The following SH2D4B variants were observed in gnomAD, a reference collection of about 807,000 sequenced individuals.
The protein encoded by SH2D4B is SH2 domain-containing protein 4B.
In SH2D4B, 45 loss-of-function variants were observed where a neutral mutation model predicts 61.5. The observed-to-expected ratio is 0.73, with a 90% CI of 0.58 to 0.94. SH2D4B has a LOEUF of 0.94. Among genes scored for constraint, SH2D4B ranks in the 40% least tolerant of loss-of-function variants. SH2D4B has a pLI of 0.00. For missense variants in SH2D4B, 572 were observed against 574.2 expected (o/e 1.00, Z 0.04); for synonymous variants, 224 against 220.4 (o/e 1.02, Z -0.14).
At chr10:80,595,979 TGG>T (rs1472240241) in intron 4 of SH2D4B, among the ~76,000 whole-genome samples, 1 of 152,208 alleles carries the variant, frequency 6.6e-6, no homozygotes, top group Non-Finnish European at 1.5e-5. Context: ...GTCCTTGGGC[TGG>T]GGAGGGAAAT....
intron 7 of SH2D4B, among the ~76,000 whole-genome samples, chr10:80,643,231 T>C (rs1840336818): frequency 6.6e-6 from 1 of 152,046 alleles, no homozygotes; most frequent in Non-Finnish European, 1.5e-5. Context: ...GGTTTCCAGG[T>C]TCTTTAAGTG....
intron 1 of SH2D4B, among the ~76,000 whole-genome samples, chr10:80,553,909 C>G (rs1841793412): frequency 1.3e-5 from 2 of 152,190 alleles, no homozygotes; most frequent in Non-Finnish European, 2.9e-5. Flanking sequence ...CTGTTTCCCA[C>G]TTATTAATTT....
chr10:80,621,876 C>T (rs997403174), intron 6 of SH2D4B, among the ~76,000 whole-genome samples: 1 of 152,124 alleles, frequency 6.6e-6, no homozygotes, highest in Non-Finnish European at 1.5e-5. Flanking sequence ...GTGTGCACCA[C>T]CACGCCTGGC....
At chr10:80,556,529 C>T (rs772554724) in intron 1 of SH2D4B, among the ~76,000 whole-genome samples, 15 of 152,140 alleles carry the variant, frequency 9.9e-5, no homozygotes, top group Non-Finnish European at 1.9e-4. Context: ...CACATTAACA[C>T]TATTGAGTTT....
At chr10:80,593,089 G>A (rs547406956) in intron 4 of SH2D4B, among the ~76,000 whole-genome samples, 2 of 152,090 alleles carry the variant, frequency 1.3e-5, no homozygotes, top group Non-Finnish European at 2.9e-5. Context: ...ACATAGTCTC[G>A]ATTACTGTAG....
At position 80,644,474 on chromosome 10, in the gene SH2D4B, A is replaced by C. The variant is rs532487663; in HGVS notation, c.*389A>C. On this transcript the variant is annotated 3_prime_UTR_variant, in exon 8 of 8. Coordinates refer to ENST00000646907, the MANE Select transcript of SH2D4B (RefSeq NM_001388272.1). ...CAGTAAATGTTTGTTGAATGAATGC[A>C]TGTCTTCTAAAAGTTTTCCAACACA... 1.2e-5 allele frequency: 2 copies of C among 162,234 alleles called. No homozygotes were observed. Among genetic ancestry groups the C allele is most frequent in the African/African-American group, 2.4e-5 (1 of 42,034 alleles). 10.0% of individuals were successfully genotyped at this position (162,234 alleles called of 1,614,324 possible).
chr10:80,565,139 C>A (rs1841948341), intron 1 of SH2D4B, among the ~76,000 whole-genome samples: 1 of 152,194 alleles, frequency 6.6e-6, no homozygotes. Context: ...TTGTTACAGG[C>A]TGATACTCCT....
chr10:80,637,865 G>C (rs1840212952), intron 7 of SH2D4B, among the ~76,000 whole-genome samples: 1 of 152,208 alleles, frequency 6.6e-6, no homozygotes. Flanking sequence ...TTTTGTGCCA[G>C]TTTTTAAAGG....
intron 1 of SH2D4B, among the ~76,000 whole-genome samples, chr10:80,556,491 A>T (rs1164830428): frequency 6.6e-6 from 1 of 152,200 alleles, no homozygotes; most frequent in Non-Finnish European, 1.5e-5. Flanking sequence ...CTTTCTGGGA[A>T]TCTGTAGATC....
chr10:80,595,719 C>T (rs1225114519), intron 4 of SH2D4B, among the ~76,000 whole-genome samples: 2 of 152,178 alleles, frequency 1.3e-5, no homozygotes, highest in East Asian at 3.9e-4. Context: ...GCAGTGTAAG[C>T]AGGGGACAGA....
rs1842247065 is a variant in SH2D4B at position 80,586,285 on chromosome 10, C to T, written c.496-2345C>T. ...CGCACGGCGTGGGACTGGCAGGCATCTCCACCTGCGGCCCTGGTGCGCGAT... is the reference window on the plus strand; with the variant it reads ...CGCACGGCGTGGGACTGGCAGGCATTTCCACCTGCGGCCCTGGTGCGCGAT... On this transcript the variant is annotated intron_variant, in intron 3 of 7. Transcript: ENST00000646907. Among the ~76,000 whole-genome samples the T allele has an allele frequency of 1.3e-5, 2 of 152,338 alleles. 1 individual carries two copies. Among genetic ancestry groups the T allele is most frequent in the South Asian group, 4.1e-4 (2 of 4,826 alleles).
At chr10:80,607,614 G>A (rs956169399) in intron 5 of SH2D4B, 1 of 152,254 alleles carries the variant, frequency 6.6e-6, no homozygotes, top group Non-Finnish European at 1.5e-5. Context: ...ATTCAGTTTA[G>A]GGCGAGTAAA....
chr10:80,588,999 TC>T (rs1279870605), intron 4 of SH2D4B, among the ~76,000 whole-genome samples: 5 of 130,210 alleles, frequency 3.8e-5, no homozygotes, highest in Non-Finnish European at 7.8e-5. Flanking sequence ...TTTTTCTTTT[TC>T]TTTTTTTTTT....
chr10:80,626,192 C>T (rs1372852935), intron 6 of SH2D4B, among the ~76,000 whole-genome samples: 2 of 151,758 alleles, frequency 1.3e-5, no homozygotes, highest in Non-Finnish European at 1.5e-5. Context: ...TTTAGAATTT[C>T]CTTTAGAAAT....
chr10:80,567,093 T>C (rs181379739), intron 1 of SH2D4B, among the ~76,000 whole-genome samples: 1 of 152,320 alleles, frequency 6.6e-6, no homozygotes, highest in East Asian at 1.9e-4. Context: ...TGCTTTCGAA[T>C]ATTGGATCAT....
chr10:80,608,465 T>C (rs17693104), intron 5 of SH2D4B, among the ~76,000 whole-genome samples: 92,319 of 152,102 alleles, frequency 0.61, 29,808 homozygotes, highest in African/African-American at 0.83. Context: ...CATTGTACTT[T>C]ACCACACAGT....
intron 3 of SH2D4B, among the ~76,000 whole-genome samples, chr10:80,580,915 A>T (rs540739562): frequency 6.6e-6 from 1 of 152,326 alleles, no homozygotes; most frequent in Non-Finnish European, 1.5e-5. Context: ...TTTGGCTGCT[A>T]AACCTCAGAA....
intron 6 of SH2D4B, among the ~76,000 whole-genome samples, chr10:80,630,573 A>T (rs887587409): frequency 5.9e-5 from 9 of 152,232 alleles, no homozygotes; most frequent in African/African-American, 2.2e-4. Context: ...GTTGGGGAGA[A>T]CAGAGGATTG....
At chr10:80,584,933 T>C (rs998709726) in intron 3 of SH2D4B, among the ~76,000 whole-genome samples, 1 of 152,244 alleles carries the variant, frequency 6.6e-6, no homozygotes, top group East Asian at 1.9e-4. Flanking sequence ...AAGGAACAGC[T>C]AACATAGTTG....
Sources: allele counts gnomAD v4.1 joint callset (sites outside exome capture counted in the v4.1 genomes callset), GRCh38; gene constraint gnomAD v4.1.1; transcripts MANE v1.5; gene names NCBI Gene and HGNC (gene_info 2026-07-23, HGNC 2026-07-21).